The following ATP2B2 variants were observed in gnomAD, a reference collection of about 807,000 sequenced individuals.
ATP2B2 encodes the protein plasma membrane calcium-transporting ATPase 2.
In ATP2B2, 15 loss-of-function variants were observed where a neutral mutation model predicts 120.0. The ratio of observed to expected loss-of-function variants is 0.12; its 90% CI spans 0.08 to 0.19. The LOEUF is 0.19. Among genes scored for constraint, ATP2B2 ranks in the 10% least tolerant of loss-of-function variants. The pLI, the probability that ATP2B2 is intolerant of heterozygous loss-of-function variation, is 1.00. For missense variants in ATP2B2, 1,045 were observed against 1,719.8 expected, an observed-to-expected ratio of 0.61 and a Z score of 6.94; for synonymous variants, 694 against 700.3, an observed-to-expected ratio of 0.99 and a Z score of 0.14.
chr3:10,686,451 G>A (rs927772834), intron 1 of ATP2B2, among the ~76,000 whole-genome samples: 2 of 152,046 alleles, frequency 1.3e-5, no homozygotes, highest in Middle Eastern at 3.2e-3. Flanking sequence ...TCAGGAGATC[G>A]AGACCATCCT....
intron 2 of ATP2B2, among the ~76,000 whole-genome samples, chr3:10,562,748 C>T (rs1466110205): frequency 6.6e-6 from 1 of 152,174 alleles, no homozygotes; most frequent in African/African-American, 2.4e-5. Flanking sequence ...ATATTCACTG[C>T]AACGTTGCTT....
At chr3:10,359,749 G>T in intron 13 of ATP2B2, 133 bp downstream of exon 13, 1 of 1,314,190 alleles carries the variant, frequency 7.6e-7, no homozygotes, top group African/African-American at 1.4e-5. Flanking sequence ...GGCTCTGGGT[G>T]CTAGACGGCC....
At chr3:10,425,296 C>T (rs2063112735) in intron 2 of ATP2B2, among the ~76,000 whole-genome samples, 2 of 151,104 alleles carry the variant, frequency 1.3e-5, no homozygotes, top group East Asian at 1.9e-4. Flanking sequence ...GGTGACAGAG[C>T]GAGATGCTGT....
chr3:10,695,884 A>G (rs544821354), intron 1 of ATP2B2, among the ~76,000 whole-genome samples: 1 of 152,344 alleles, frequency 6.6e-6, no homozygotes, highest in Admixed American at 6.5e-5. Flanking sequence ...CTCCCTGAAC[A>G]TGGTGACATT....
intron 1 of ATP2B2, among the ~76,000 whole-genome samples, chr3:10,651,620 G>C (rs1273196127): frequency 6.6e-6 from 1 of 152,148 alleles, no homozygotes; most frequent in Non-Finnish European, 1.5e-5. Flanking sequence ...GGGTTCATGG[G>C]TGGATGGATG....
intron 3 of ATP2B2, among the ~76,000 whole-genome samples, chr3:10,514,528 G>T (rs933319446): frequency 5.3e-5 from 8 of 152,130 alleles, no homozygotes; most frequent in Non-Finnish European, 1.2e-4. Context: ...TGGAGGTGCC[G>T]CTGCATTCCT....
intron 1 of ATP2B2, among the ~76,000 whole-genome samples, chr3:10,620,964 C>T (rs2069529749): frequency 6.6e-6 from 1 of 152,190 alleles, no homozygotes; most frequent in African/African-American, 2.4e-5. Context: ...ACCCTCAGCC[C>T]CCAATCCAGG....
chr3:10,328,508 G>A lies in ATP2B2; in HGVS notation c.*306C>T, dbSNP rs909788920. 1 of 404,170 alleles carries A rather than the reference G, an allele frequency of 2.5e-6. No individual in the cohort carries two copies. Among genetic ancestry groups the A allele is most frequent in the Non-Finnish European group, 4.5e-6 (1 of 223,606 alleles). The allele number at this position is 404,170 out of a possible 1,614,324, so 25.0% of individuals were successfully genotyped here. ...CATTCATGCGGGGGACGTGGTGGCT[G>A]GGCGGGTGCATGGCTGGTCCATGTC... On this transcript the variant is annotated 3_prime_UTR_variant, in exon 23 of 23. Transcript: ENST00000360273.
chr3:10,452,462 C>T (rs6784688), intron 1 of ATP2B2, among the ~76,000 whole-genome samples: 28,067 of 152,144 alleles, frequency 0.18, 2,832 homozygotes, highest in Admixed American at 0.26. Context: ...AGGGATGGGG[C>T]GGGAGCTTTT....
At chr3:10,502,609 G>GCC (rs2066439708) in intron 1 of ATP2B2, among the ~76,000 whole-genome samples, 1 of 152,204 alleles carries the variant, frequency 6.6e-6, no homozygotes, top group African/African-American at 2.4e-5. Flanking sequence ...CCAGCTAGGT[G>GCC]GCCTCAGAAG....
intron 2 of ATP2B2, among the ~76,000 whole-genome samples, chr3:10,411,906 A>G (rs1217190491): frequency 6.6e-6 from 1 of 152,116 alleles, no homozygotes; most frequent in Non-Finnish European, 1.5e-5. Context: ...GTAAGGGCCC[A>G]CTTCCACCCA....
Position 10,545,974 on chromosome 3 carries a change from T to TAAAA in ATP2B2, c.-414-11842_-414-11841insTTTT, listed in dbSNP as rs1281665501. On this transcript the variant is annotated intron_variant, in intron 2 of 21. Transcript: ENST00000646379. The stretch of plus-strand genomic sequence containing the variant: ...ATTCCAACAAGAAAATTACTATGGT[T>TAAAA]ATGGTATGCAAAACAAGATATAAGG... Among the ~76,000 whole-genome samples the TAAAA allele has an allele frequency of 4.3e-4, 65 of 152,348 alleles. 2 individuals carry two copies. The East Asian group carries it at 0.012, about 28-fold the overall frequency.
intron 1 of ATP2B2, among the ~76,000 whole-genome samples, chr3:10,695,251 G>GGAGAGAGAGAGAGAGAGAGAGA (rs140200422): frequency 1.9e-4 from 24 of 126,906 alleles, no homozygotes; most frequent in Admixed American, 1.6e-4. Context: ...AGGGAGGGAG[G>GGAGAGAGAGAGAGAGAGAGAGA]GAGAGAGAGA....
At chr3:10,541,381 T>G (rs1293795155) in intron 2 of ATP2B2, among the ~76,000 whole-genome samples, 2 of 152,178 alleles carry the variant, frequency 1.3e-5, no homozygotes, top group Non-Finnish European at 2.9e-5. Flanking sequence ...TCAGAATTCT[T>G]TATTTGCTAG....
In ATP2B2 at chr3:10,371,792, G is replaced by C. The variant is rs531288534; in HGVS notation, c.1659+17C>G. On this transcript the variant is annotated intron_variant, in intron 12 of 22. Coordinates refer to ENST00000360273, the MANE Select transcript of ATP2B2 (RefSeq NM_001001331.4). The stretch of plus-strand genomic sequence containing the variant: ...GGATGTTGCTCCAGGTGGTGGATGT[G>C]CCTGGTCCACACTTACCAGAATCTT... 4.3e-6 allele frequency: 7 copies of C among 1,614,004 alleles called. No homozygotes were observed. In the African/African-American group the frequency reaches 9.3e-5, roughly 22 times the overall value.
intron 12 of ATP2B2, among the ~76,000 whole-genome samples, chr3:10,362,083 G>A (rs879750341): frequency 3.3e-5 from 5 of 152,170 alleles, no homozygotes; most frequent in Non-Finnish European, 7.4e-5. Context: ...TGGCTTCAGG[G>A]GTGCTGAAAG....
chr3:10,588,484 G>C (rs1382769344), intron 2 of ATP2B2, among the ~76,000 whole-genome samples: 6 of 152,204 alleles, frequency 3.9e-5, no homozygotes, highest in Admixed American at 6.5e-5. Context: ...CACAGCAGCA[G>C]TTCCACGGCC....
chr3:10,493,174 G>T (rs558316252), intron 1 of ATP2B2, among the ~76,000 whole-genome samples: 9 of 152,164 alleles, frequency 5.9e-5, no homozygotes, highest in African/African-American at 2.2e-4. Context: ...AACAAACAAG[G>T]GAATAAATAC....
chr3:10,496,755 G>A (rs894930360), intron 1 of ATP2B2, among the ~76,000 whole-genome samples: 1 of 152,182 alleles, frequency 6.6e-6, no homozygotes, highest in Non-Finnish European at 1.5e-5. Flanking sequence ...AAGTCTCAGG[G>A]GGCCCATCTG....
Sources: allele counts gnomAD v4.1 joint callset (sites outside exome capture counted in the v4.1 genomes callset), GRCh38; gene constraint gnomAD v4.1.1; transcripts MANE v1.5; gene names NCBI Gene and HGNC (gene_info 2026-07-23, HGNC 2026-07-21).